OAF: variants seen among roughly 807,000 people sequenced by gnomAD.
OAF encodes the protein out at first protein homolog.
In OAF, 13 loss-of-function variants were observed where a neutral mutation model predicts 22.5. The ratio of observed to expected loss-of-function variants is 0.58; its 90% confidence interval spans 0.38 to 0.92. The LOEUF (loss-of-function observed/expected upper bound fraction) is 0.92, where lower values mean the gene tolerates loss of function less well. Ranked by LOEUF, OAF falls within the 40% of genes least tolerant of loss-of-function variation. The pLI is 0.00. For synonymous variants in OAF, 175 were observed against 170.5 expected, an observed-to-expected ratio of 1.03 and a Z score of -0.21; for missense variants, 347 against 381.8, an observed-to-expected ratio of 0.91 and a Z score of 0.76.
At chr11:120,228,810 G>C (rs1394065100) in intron 3 of OAF, 58 bp from the exon 4 acceptor site, 1 of 1,326,854 alleles carries the variant, frequency 7.5e-7, no homozygotes, top group African/African-American at 1.4e-5. Context: ...CCTCTGACTA[G>C]GGGAGCTCCT....
Position 120,228,929 on chromosome 11 carries a change from C to T in OAF, c.609C>T (p.Arg203=). 1 of 1,610,630 alleles carries T rather than the reference C, an allele frequency of 6.2e-7. No homozygotes were observed. Among genetic ancestry groups the T allele is most frequent in the Non-Finnish European group, 8.5e-7 (1 of 1,179,306 alleles). ...CCTCAGAGCAGGCGGAGCTGCCTCGCTGCAGGCAGGTGGGGGACCACGGGA... is the reference window on the plus strand; with the variant it reads ...CCTCAGAGCAGGCGGAGCTGCCTCGTTGCAGGCAGGTGGGGGACCACGGGA... The part of the protein sequence containing the change: ...PKASEQAELP[R]CRQVGDHGKP... Residue 203 remains arginine, a synonymous_variant, in exon 4 of 4, where the codon CGC becomes CGT. Coordinates refer to ENST00000328965, the MANE Select transcript of OAF (RefSeq NM_178507.4).
chr11:120,212,662 C>A (rs1052650309), intron 1 of OAF, among the ~76,000 whole-genome samples: 1 of 148,946 alleles, frequency 6.7e-6, no homozygotes, highest in Admixed American at 6.7e-5. Context: ...GGAGAGGTGG[C>A]GGAGTTTGGG....
chr11:120,214,276 C>T (rs903929175), intron 1 of OAF, among the ~76,000 whole-genome samples: 3 of 152,172 alleles, frequency 2.0e-5, no homozygotes, highest in African/African-American at 7.2e-5. Flanking sequence ...ATAATAATAG[C>T]ACATATCCCA....
chr11:120,228,821 T>TACCAAACCAAA, intron 3 of OAF, 47 bp from the exon 4 acceptor site: 1 of 520,280 alleles, frequency 1.9e-6, no homozygotes, highest in Non-Finnish European at 3.6e-6. Flanking sequence ...GGGAGCTCCT[T>TACCAAACCAAA]CCCTCCCTCC....
intron 1 of OAF, among the ~76,000 whole-genome samples, chr11:120,219,510 C>A (rs576636278): frequency 1.3e-5 from 2 of 152,312 alleles, no homozygotes; most frequent in African/African-American, 4.8e-5. Context: ...GGGCTCCCTC[C>A]CCACCCTCAG....
intron 1 of OAF, among the ~76,000 whole-genome samples, chr11:120,222,774 TGGTGG>T (rs1938297243): frequency 6.6e-6 from 1 of 152,030 alleles, no homozygotes. Flanking sequence ...TAGCTGGGTG[TGGTGG>T]CCCATGCCTG....
At chr11:120,225,837 G>A (rs373717777) in intron 2 of OAF, 42 bp downstream of exon 2, 57 of 1,564,016 alleles carry the variant, frequency 3.6e-5, no homozygotes, top group African/African-American at 4.3e-5. Context: ...GTCCTGACCC[G>A]CAGCAGACCC....
At chr11:120,228,825 T>TTCCCAACC in intron 3 of OAF, 43 bp from the exon 4 acceptor site, 1 of 434,174 alleles carries the variant, frequency 2.3e-6, no homozygotes, top group Non-Finnish European at 4.7e-6. Flanking sequence ...GCTCCTTCCC[T>TTCCCAACC]CCCTCCCTCC....
intron 1 of OAF, among the ~76,000 whole-genome samples, chr11:120,221,918 C>T (rs1456224367): frequency 6.6e-6 from 1 of 152,196 alleles, no homozygotes; most frequent in Non-Finnish European, 1.5e-5. Context: ...GCCTCAGGAG[C>T]CTGCCTGCAG....
At position 120,227,941 on chromosome 11, in the gene OAF, C is replaced by T. The variant is rs556741294; in HGVS notation, c.548-927C>T. Among the ~76,000 whole-genome samples the T allele has an allele frequency of 2.5e-3, 380 of 152,242 alleles. 1 individual carries two copies. Among genetic ancestry groups the T allele is most frequent in the Non-Finnish European group, 3.7e-3 (253 of 68,006 alleles). On this transcript the variant is annotated intron_variant, in intron 3 of 3. Transcript: ENST00000328965. ...TGGCCCCTCCCATACAGCCCCTGAG[C>T]CTAATCAGGCCGGTACCTTCCGTCT...
intron 1 of OAF, among the ~76,000 whole-genome samples, chr11:120,221,094 C>T (rs113517602): frequency 0.017 from 2,622 of 152,268 alleles, 72 homozygotes; most frequent in African/African-American, 0.055. Flanking sequence ...AAGGGGACAA[C>T]GAGCACTCCC....
chr11:120,221,373 G>T (rs1335547242), intron 1 of OAF, among the ~76,000 whole-genome samples: 1 of 152,180 alleles, frequency 6.6e-6, no homozygotes, highest in East Asian at 1.9e-4. Flanking sequence ...ATCTAGAAGA[G>T]AACAATCTCA....
Position 120,229,370 on chromosome 11 carries a change from G to T in OAF, c.*228G>T. 2.9e-5 allele frequency: 13 copies of T among 442,908 alleles called. No individual in the cohort carries two copies. Among genetic ancestry groups the T allele is most frequent in the Admixed American group, 8.7e-5 (2 of 22,948 alleles). The allele number at this position is 442,908 out of a possible 1,614,324, so 27.4% of individuals were successfully genotyped here. A position where few individuals can be genotyped will look rare whatever the true frequency, so the allele number is the denominator to read the frequency against. ...CCACCCTGTGCCTTCCTTGCGGGCA[G>T]AGAGGGAGAGAAGGGCTCCCCAGAT... On this transcript the variant is annotated 3_prime_UTR_variant, in exon 4 of 4. Transcript: ENST00000328965.
chr11:120,229,230 A>T lies in OAF; in HGVS notation c.*88A>T. On this transcript the variant is annotated 3_prime_UTR_variant, in exon 4 of 4. Coordinates refer to ENST00000328965, the MANE Select transcript of OAF (RefSeq NM_178507.4). ...GGTGGCAACCCCCACCTGAGGCCTT[A>T]TTTCCCTCCCTCCCCACTCCCCTGG... The T allele has an allele frequency of 5.0e-6, 6 of 1,211,918 alleles. No homozygotes were observed. Among genetic ancestry groups the T allele is most frequent in the Non-Finnish European group, 7.0e-6 (6 of 852,590 alleles). 75.1% of individuals were successfully genotyped at this position (1,211,918 alleles called of 1,614,324 possible).
intron 2 of OAF, 98 bp downstream of exon 2, chr11:120,225,893 GAC>G: frequency 9.3e-7 from 1 of 1,072,358 alleles, no homozygotes; most frequent in Non-Finnish European, 1.3e-6. Context: ...CTGACCTGCA[GAC>G]CCGACCCCTG....
chr11:120,229,383 G>GATAC lies in OAF; in HGVS notation c.*241_*242insATAC. On this transcript the variant is annotated 3_prime_UTR_variant, in exon 4 of 4. Coordinates refer to ENST00000328965, the MANE Select transcript of OAF (RefSeq NM_178507.4). ...TCCTTGCGGGCAGAGAGGGAGAGAAGGGCTCCCCAGATCTACACCCCTCCC... is the reference window on the plus strand; with the variant it reads ...TCCTTGCGGGCAGAGAGGGAGAGAAGATACGGCTCCCCAGATCTACACCCCTCCC... 1 of 271,136 alleles carries GATAC rather than the reference G, an allele frequency of 3.7e-6. No homozygotes were observed. The highest frequency in any genetic ancestry group is 6.4e-6 in the Non-Finnish European group (1 of 156,852). The allele number at this position is 271,136 out of a possible 1,614,324, so 16.8% of individuals were successfully genotyped here.
chr11:120,225,398 G>A (rs940180773), intron 1 of OAF, among the ~76,000 whole-genome samples: 5 of 152,164 alleles, frequency 3.3e-5, no homozygotes, highest in Non-Finnish European at 7.4e-5. Context: ...AAGGGGTTCT[G>A]CCGAGAGGAA....
intron 1 of OAF, among the ~76,000 whole-genome samples, chr11:120,216,796 G>T (rs1008110197): frequency 6.6e-6 from 1 of 152,230 alleles, no homozygotes; most frequent in Non-Finnish European, 1.5e-5. Context: ...AAGGCACAGA[G>T]AGGTGGTGGA....
intron 1 of OAF, among the ~76,000 whole-genome samples, chr11:120,214,993 C>G (rs1315296050): frequency 6.6e-6 from 1 of 152,214 alleles, no homozygotes; most frequent in Non-Finnish European, 1.5e-5. Flanking sequence ...ACTGCCTGGG[C>G]TGCACACCCT....
Sources: allele counts gnomAD v4.1 joint callset (sites outside exome capture counted in the v4.1 genomes callset), GRCh38; gene constraint gnomAD v4.1.1; transcripts MANE v1.5; gene names NCBI Gene and HGNC (gene_info 2026-07-23, HGNC 2026-07-21).